FNDC3A: variants seen among roughly 807,000 people sequenced by gnomAD.
FNDC3A encodes fibronectin type III domain containing 3A.
A neutral mutation model predicts 148.9 loss-of-function variants in FNDC3A; 32 were observed. The observed-to-expected ratio is 0.21, with a 90% CI of 0.16 to 0.29. The LOEUF is 0.29. Ranked by LOEUF, FNDC3A falls within the 10% of genes least tolerant of loss-of-function variation. FNDC3A has a pLI of 1.00. For synonymous variants in FNDC3A, 472 were observed against 473.6 expected (o/e 1.00, Z 0.04); for missense variants, 1,191 against 1,452.8 (o/e 0.82, Z 2.93).
At chr13:49,170,305 G>T (rs958511395) in intron 10 of FNDC3A, among the ~76,000 whole-genome samples, 3 of 152,038 alleles carry the variant, frequency 2.0e-5, no homozygotes, top group Non-Finnish European at 4.4e-5. Flanking sequence ...CATAATGAGC[G>T]TAATAACTAT....
intron 2 of FNDC3A, among the ~76,000 whole-genome samples, chr13:49,034,441 A>G (rs1874351104): frequency 6.6e-6 from 1 of 152,030 alleles, no homozygotes; most frequent in African/African-American, 2.4e-5. Context: ...AGTTAGAAAT[A>G]ACAGTATTTG....
intron 2 of FNDC3A, chr13:49,044,732 A>T (rs995154867): frequency 7.7e-6 from 3 of 388,024 alleles, no homozygotes; most frequent in Non-Finnish European, 1.5e-5. Context: ...ACAGAACAAG[A>T]TATAGCAATA....
chr13:49,037,171 A>C (rs914898434), intron 2 of FNDC3A, among the ~76,000 whole-genome samples: 9 of 152,228 alleles, frequency 5.9e-5, no homozygotes, highest in East Asian at 1.9e-4. Context: ...ATAAAAAATA[A>C]TACTACTAAG....
At chr13:49,186,312 G>A (rs921290152) in intron 15 of FNDC3A, among the ~76,000 whole-genome samples, 3 of 152,102 alleles carry the variant, frequency 2.0e-5, no homozygotes, top group Admixed American at 6.5e-5. Flanking sequence ...AGGAACTTGC[G>A]ATCCACTGTA....
chr13:49,089,465 A>G (rs1244078093), intron 3 of FNDC3A, among the ~76,000 whole-genome samples: 2 of 152,232 alleles, frequency 1.3e-5, no homozygotes, highest in African/African-American at 2.4e-5. Flanking sequence ...AATAAACCTC[A>G]CTAATCAAGT....
At chr13:49,107,982 G>A (rs1485278820) in intron 3 of FNDC3A, among the ~76,000 whole-genome samples, 1 of 152,142 alleles carries the variant, frequency 6.6e-6, no homozygotes, top group African/African-American at 2.4e-5. Context: ...GGCTATGAAG[G>A]CAGTGTTGGA....
At chr13:49,153,681 G>C (rs1883467092) in intron 8 of FNDC3A, among the ~76,000 whole-genome samples, 2 of 147,100 alleles carry the variant, frequency 1.4e-5, no homozygotes, top group Non-Finnish European at 3.0e-5. Context: ...AATCCATCTT[G>C]AATTGATTTT....
At chr13:49,203,383 C>G (rs1886507590) in intron 25 of FNDC3A, 99 bp downstream of exon 25, 4 of 814,934 alleles carry the variant, frequency 4.9e-6, no homozygotes, top group Non-Finnish European at 5.9e-6. Flanking sequence ...CCTTTTAATT[C>G]ATAAATATTT....
chr13:49,110,168 T>TC (rs1880454276), intron 3 of FNDC3A: 3 of 439,420 alleles, frequency 6.8e-6, no homozygotes, highest in Admixed American at 4.2e-5. Flanking sequence ...ATCTTTTTTT[T>TC]CCCCTATATC....
intron 2 of FNDC3A, among the ~76,000 whole-genome samples, chr13:49,029,290 G>A (rs1351689427): frequency 4.6e-5 from 7 of 152,130 alleles, no homozygotes; most frequent in African/African-American, 1.7e-4. Context: ...TAACAAATAT[G>A]TATAAATTAA....
chr13:49,177,249 T>A (rs1360190860), intron 13 of FNDC3A, among the ~76,000 whole-genome samples: 1 of 152,226 alleles, frequency 6.6e-6, no homozygotes, highest in Non-Finnish European at 1.5e-5. Context: ...CACCACAGCC[T>A]TCTTGACTAA....
intron 8 of FNDC3A, among the ~76,000 whole-genome samples, chr13:49,151,150 C>G (rs2137982786): frequency 6.6e-6 from 1 of 152,036 alleles, no homozygotes; most frequent in Middle Eastern, 3.4e-3. Flanking sequence ...AATTTTCTGT[C>G]TAGATGATCT....
At chr13:49,034,331 G>C (rs542572484) in intron 2 of FNDC3A, among the ~76,000 whole-genome samples, 1 of 152,062 alleles carries the variant, frequency 6.6e-6, no homozygotes, top group South Asian at 2.1e-4. Context: ...CACCTTTAAA[G>C]AGTGTTCTAA....
At chr13:48,997,420 G>A (rs973383413) in intron 1 of FNDC3A, among the ~76,000 whole-genome samples, 4 of 152,202 alleles carry the variant, frequency 2.6e-5, no homozygotes, top group Non-Finnish European at 5.9e-5. Context: ...ACCTGATAGT[G>A]TTATGGACTG....
rs1468514950 is a variant in FNDC3A, at chr13:48,976,061, C to T, written c.-156C>T. ...ACAACCCCAACAGTCAGCGCGCCGG[C>T]GGCCGCGGCGGCCCTGAGAGCTGAC... is the stretch of plus-strand genomic sequence containing the variant. On this transcript the variant is annotated 5_prime_UTR_variant, in exon 1 of 26. Transcript: ENST00000492622. The T allele has an allele frequency of 6.6e-6, 1 of 152,596 alleles. No individual in the cohort carries two copies. Among genetic ancestry groups the T allele is most frequent in the Non-Finnish European group, 1.5e-5 (1 of 68,364 alleles). The allele number at this position is 152,596 out of a possible 1,614,324, so 9.5% of individuals were successfully genotyped here. A position where few individuals can be genotyped will look rare whatever the true frequency, so the allele number is the denominator to read the frequency against.
At position 49,145,792 on chromosome 13, in the gene FNDC3A, G is replaced by C; in HGVS notation, c.834G>C (p.Gln278His). 1 of 1,613,746 alleles carries C rather than the reference G, an allele frequency of 6.2e-7. No homozygotes were observed. The highest frequency in any genetic ancestry group is 8.5e-7 in the Non-Finnish European group (1 of 1,179,894). ...NIVKPVASDI[Q>H]ARTVVLTWSP... is the part of the protein sequence containing the mutation. ...TATTTTTACAGGCCTCCGACATCCA[G>C]GCAAGGACAGTAGTACTTACCTGGT... Residue 278 changes from glutamine to histidine, a missense_variant, in exon 8 of 26, where the codon CAG becomes CAC. Transcript: ENST00000492622.
At chr13:49,139,092 A>G (rs1379046633) in intron 7 of FNDC3A, among the ~76,000 whole-genome samples, 2 of 152,194 alleles carry the variant, frequency 1.3e-5, no homozygotes, top group Non-Finnish European at 2.9e-5. Context: ...ATTCTGTGTG[A>G]TAGTAAAGAT....
chr13:49,115,662 A>G (rs1374631927), intron 4 of FNDC3A, among the ~76,000 whole-genome samples: 1 of 152,202 alleles, frequency 6.6e-6, no homozygotes, highest in Non-Finnish European at 1.5e-5. Context: ...GGGCAAATCA[A>G]CTTCCTTCAG....
intron 2 of FNDC3A, among the ~76,000 whole-genome samples, chr13:49,049,398 T>A (rs563806823): frequency 2.6e-5 from 4 of 152,296 alleles, no homozygotes; most frequent in Admixed American, 2.0e-4. Context: ...AATTCTTCTT[T>A]GAATGTCTGA....
Sources: allele counts gnomAD v4.1 joint callset (sites outside exome capture counted in the v4.1 genomes callset), GRCh38; gene constraint gnomAD v4.1.1; transcripts MANE v1.5; gene names NCBI Gene and HGNC (gene_info 2026-07-23, HGNC 2026-07-21).